The following RIMS1 variants were observed in gnomAD, a reference collection of about 807,000 sequenced individuals.
The protein encoded by RIMS1 is regulating synaptic membrane exocytosis 1.
RIMS1 carries 83 observed loss-of-function variants against 214.1 expected under a neutral mutation model. The observed-to-expected ratio is 0.39, with a 90% CI of 0.32 to 0.47. RIMS1 has a LOEUF of 0.47. Ranked by LOEUF, RIMS1 falls within the 20% of genes least tolerant of loss-of-function variation. RIMS1 has a pLI of 0.99. For synonymous variants in RIMS1, 793 were observed against 786.8 expected (o/e 1.01, Z -0.13); for missense variants, 2,050 against 2,161.8 (o/e 0.95, Z 1.03).
chr6:72,227,565 A>G (rs112785603), intron 6 of RIMS1, among the ~76,000 whole-genome samples: 2,616 of 151,952 alleles, frequency 0.017, 24 homozygotes, highest in African/African-American at 0.024. Context: ...AATTCAACAA[A>G]CTATACACAC....
intron 2 of RIMS1, among the ~76,000 whole-genome samples, chr6:72,089,732 C>A (rs920293225): frequency 6.7e-6 from 1 of 148,750 alleles, no homozygotes; most frequent in Non-Finnish European, 1.5e-5. Context: ...ATGTTTATTG[C>A]GGCATTATTC....
At chr6:72,103,716 T>G (rs892267173) in intron 4 of RIMS1, among the ~76,000 whole-genome samples, 1 of 152,150 alleles carries the variant, frequency 6.6e-6, no homozygotes, top group African/African-American at 2.4e-5. Context: ...TCTATGTTTG[T>G]CCTTTTGAGG....
intron 1 of RIMS1, among the ~76,000 whole-genome samples, chr6:71,952,382 T>C (rs1469535815): frequency 6.6e-6 from 1 of 152,236 alleles, no homozygotes; most frequent in African/African-American, 2.4e-5. Context: ...GCCAGACAAT[T>C]TTCTAGGAAC....
intron 29 of RIMS1, among the ~76,000 whole-genome samples, chr6:72,345,854 AAGAGGGT>A (rs1218583227): frequency 3.3e-5 from 5 of 151,708 alleles, no homozygotes; most frequent in African/African-American, 1.2e-4. Flanking sequence ...ACCATTTACT[AAGAGGGT>A]GGTTGTTGGG....
chr6:72,262,345 C>T lies in RIMS1; in HGVS notation c.3116+1578C>T, dbSNP rs956107447. On this transcript the variant is annotated intron_variant, in intron 19 of 33. Transcript: ENST00000521978. ...GTCTCTGTATGTTGACTTTGCATTT[C>T]CTGATTTAAGCAAATAATCATATTT... 5 of 973,878 alleles carry T rather than the reference C, an allele frequency of 5.1e-6. No individual in the cohort carries two copies. In the African/African-American group the frequency reaches 8.8e-5, roughly 17 times the overall value. The allele number at this position is 973,878 out of a possible 1,614,324, so 60.3% of individuals were successfully genotyped here.
intron 6 of RIMS1, among the ~76,000 whole-genome samples, chr6:72,184,440 T>C (rs1439263153): frequency 2.0e-5 from 3 of 152,168 alleles, no homozygotes; most frequent in African/African-American, 4.8e-5. Flanking sequence ...TGTGAAAAAC[T>C]TTTATCTTGC....
intron 2 of RIMS1, among the ~76,000 whole-genome samples, chr6:72,078,055 C>G (rs922024080): frequency 6.6e-6 from 1 of 152,148 alleles, no homozygotes; most frequent in Non-Finnish European, 1.5e-5. Flanking sequence ...AAACAAAACC[C>G]AGAAATCTTT....
intron 1 of RIMS1, among the ~76,000 whole-genome samples, chr6:71,961,413 T>G (rs1188931165): frequency 6.6e-6 from 1 of 152,062 alleles, no homozygotes; most frequent in Non-Finnish European, 1.5e-5. Flanking sequence ...TTTCTGTATC[T>G]TTAACTTCTC....
At chr6:72,314,513 T>C (rs2095663736) in intron 28 of RIMS1, among the ~76,000 whole-genome samples, 1 of 152,208 alleles carries the variant, frequency 6.6e-6, no homozygotes, top group African/African-American at 2.4e-5. Flanking sequence ...TTGAAGCAAA[T>C]TAAAAGTAAT....
chr6:71,951,952 A>G (rs751574600), intron 1 of RIMS1, among the ~76,000 whole-genome samples: 1 of 152,086 alleles, frequency 6.6e-6, no homozygotes, highest in Non-Finnish European at 1.5e-5. Context: ...AAATTGGACA[A>G]TTGAATGTGG....
chr6:72,262,362 A>T (rs2078417499), intron 19 of RIMS1: 1 of 977,140 alleles, frequency 1.0e-6, no homozygotes, highest in Admixed American at 6.2e-5. Context: ...TAAGCAAATA[A>T]TCATATTTGT....
intron 2 of RIMS1, among the ~76,000 whole-genome samples, chr6:72,089,325 C>T (rs1205317919): frequency 6.6e-6 from 1 of 152,134 alleles, no homozygotes; most frequent in Non-Finnish European, 1.5e-5. Flanking sequence ...CCTGCTGTGG[C>T]TCTTGTGGTG....
intron 10 of RIMS1, among the ~76,000 whole-genome samples, chr6:72,243,133 C>T (rs529092709): frequency 2.0e-5 from 3 of 151,758 alleles, no homozygotes; most frequent in Non-Finnish European, 4.4e-5. Flanking sequence ...GCATTTTGAA[C>T]TGTTTTATTA....
chr6:72,061,627 C>T (rs1211628978), intron 2 of RIMS1, among the ~76,000 whole-genome samples: 1 of 152,194 alleles, frequency 6.6e-6, no homozygotes, highest in Non-Finnish European at 1.5e-5. Context: ...ATGGAGAGGC[C>T]TGGAGTTCAC....
intron 2 of RIMS1, among the ~76,000 whole-genome samples, chr6:72,034,877 ATTGT>A (rs1384127423): frequency 1.3e-5 from 2 of 152,310 alleles, no homozygotes; most frequent in Admixed American, 6.5e-5. Context: ...AAGATGCATA[ATTGT>A]TTGGTTATTT....
intron 2 of RIMS1, among the ~76,000 whole-genome samples, chr6:72,053,586 A>G (rs922848460): frequency 2.0e-5 from 3 of 152,156 alleles, no homozygotes; most frequent in Non-Finnish European, 4.4e-5. Context: ...GACTATACAC[A>G]TAAAGATATA....
At chr6:71,892,583 T>C (rs1451444801) in intron 1 of RIMS1, among the ~76,000 whole-genome samples, 1 of 152,104 alleles carries the variant, frequency 6.6e-6, no homozygotes, top group Non-Finnish European at 1.5e-5. Flanking sequence ...CTTATCTGCT[T>C]GCTGTTTTGC....
chr6:72,006,654 C>T (rs1319459711), intron 2 of RIMS1, among the ~76,000 whole-genome samples: 7 of 152,080 alleles, frequency 4.6e-5, no homozygotes, highest in Non-Finnish European at 8.8e-5. Flanking sequence ...ATGGTCTTAG[C>T]AAACGGCACA....
rs370823273 is a variant in RIMS1, at chr6:72,250,455, T to C, written c.2367T>C (p.Asp789=). ...NPYVKMYFLP[D]RSDKSKRRTK... ...ATGTAAAAATGTATTTTCTTCCAGA[T>C]AGAAGGTAGTGAATAATTTTAGAAA... Residue 789 remains aspartate (D), a synonymous_variant, in exon 13 of 34, where the codon GAT becomes GAC. Coordinates refer to ENST00000521978, the MANE Select transcript of RIMS1 (RefSeq NM_014989.7). 1.3e-3 allele frequency: 1,974 copies of C among 1,572,734 alleles called. 2 individuals carry two copies. Among genetic ancestry groups the C allele is most frequent in the Non-Finnish European group, 1.6e-3 (1,853 of 1,154,690 alleles).
Sources: gnomAD v4.1 joint callset for allele counts (sites outside exome capture counted in the v4.1 genomes callset) on GRCh38, gnomAD v4.1.1 for gene constraint, MANE v1.5 for transcripts, NCBI Gene and HGNC (gene_info 2026-07-23, HGNC 2026-07-21) for gene names.